The following RNLS variants were observed in gnomAD, a reference collection of about 807,000 sequenced individuals.
The protein encoded by RNLS is renalase, FAD dependent amine oxidase.
Under a neutral mutation model 39.8 loss-of-function variants are expected in RNLS, and 39 were observed. The ratio of observed to expected loss-of-function variants is 0.98; its 90% confidence interval spans 0.76 to 1.28. RNLS has a LOEUF of 1.28. RNLS is among the 50% of genes most tolerant of loss of function. The pLI is 0.00. For synonymous variants in RNLS, 147 were observed against 150.7 expected, an observed-to-expected ratio of 0.98 and a Z score of 0.18; for missense variants, 410 against 413.3, an observed-to-expected ratio of 0.99 and a Z score of 0.07.
intron 4 of RNLS, among the ~76,000 whole-genome samples, chr10:88,368,109 T>A (rs1850266019): frequency 6.6e-6 from 1 of 152,042 alleles, no homozygotes; most frequent in Non-Finnish European, 1.5e-5. Context: ...ATGGTTTTTT[T>A]TTTCCTGAAA....
intron 4 of RNLS, among the ~76,000 whole-genome samples, chr10:88,420,040 AAATAAATAAATAAATAAATG>A (rs1272215087): frequency 0.012 from 1,449 of 118,016 alleles, 26 homozygotes; most frequent in African/African-American, 0.048. Flanking sequence ...ATAAATAAAT[AAATAAATAAATAAATAAATG>A]AATGAATAAA....
At chr10:88,355,913 G>T (rs1446597931) in intron 5 of RNLS, among the ~76,000 whole-genome samples, 1 of 152,208 alleles carries the variant, frequency 6.6e-6, no homozygotes, top group East Asian at 1.9e-4. Context: ...CAGCAATGGT[G>T]GGCACCCCTC....
intron 5 of RNLS, among the ~76,000 whole-genome samples, chr10:88,336,081 T>C (rs1230139431): frequency 6.6e-6 from 1 of 152,186 alleles, no homozygotes; most frequent in Non-Finnish European, 1.5e-5. Flanking sequence ...TCAGCAGTAC[T>C]GGACAAAGCT....
At chr10:88,540,990 CAA>C (rs34561003) in intron 4 of RNLS, among the ~76,000 whole-genome samples, 7 of 131,946 alleles carry the variant, frequency 5.3e-5, no homozygotes, top group Non-Finnish European at 8.4e-5. Context: ...TCCTTACTGC[CAA>C]AAAAAAAAAA....
the RNLS span, among the ~76,000 whole-genome samples, chr10:88,182,100 T>G: frequency 6.6e-6 from 1 of 152,148 alleles, no homozygotes; most frequent in Non-Finnish European, 1.5e-5. Context: ...GAAGTATGTT[T>G]ATTTTATGGG....
At chr10:88,462,837 T>C (rs1180192586) in intron 4 of RNLS, among the ~76,000 whole-genome samples, 1 of 148,106 alleles carries the variant, frequency 6.8e-6, no homozygotes, top group Non-Finnish European at 1.5e-5. Context: ...GAAAAAAAAA[T>C]AGACAAGAGG....
intron 4 of RNLS, among the ~76,000 whole-genome samples, chr10:88,433,453 T>G (rs574531851): frequency 6.6e-6 from 1 of 152,198 alleles, no homozygotes; most frequent in South Asian, 2.1e-4. Context: ...ATATATTCCC[T>G]TATCTTCCTA....
chr10:88,282,900 AAATCACCCC>A (rs1843074974), downstream of RNLS, among the ~76,000 whole-genome samples: 1 of 152,204 alleles, frequency 6.6e-6, no homozygotes, highest in Admixed American at 6.5e-5. Context: ...AACAAGTATT[AAATCACCCC>A]ACTGCTCAAG....
intron 6 of RNLS, among the ~76,000 whole-genome samples, chr10:88,299,067 T>G (rs76430366): frequency 0.01 from 1,554 of 152,348 alleles, 14 homozygotes; most frequent in Non-Finnish European, 0.019. Flanking sequence ...TGAAGTACTC[T>G]TTTAAGTCTT....
the RNLS span, among the ~76,000 whole-genome samples, chr10:88,232,889 T>C: frequency 6.6e-6 from 1 of 152,208 alleles, no homozygotes; most frequent in Non-Finnish European, 1.5e-5. Context: ...ATAGTAGTAA[T>C]AATGGTTACT....
chr10:88,373,557 A>C (rs1850735361), intron 4 of RNLS, among the ~76,000 whole-genome samples: 1 of 152,186 alleles, frequency 6.6e-6, no homozygotes, highest in South Asian at 2.1e-4. Context: ...ATTTGATGAA[A>C]AGCACAATTA....
intron 4 of RNLS, among the ~76,000 whole-genome samples, chr10:88,405,151 G>A (rs746112824): frequency 1.3e-5 from 2 of 151,998 alleles, no homozygotes; most frequent in Non-Finnish European, 2.9e-5. Flanking sequence ...AAGTTGTGAG[G>A]ATAACCAAAT....
chr10:88,304,171 T>C (rs950968113), intron 6 of RNLS, among the ~76,000 whole-genome samples: 2 of 152,076 alleles, frequency 1.3e-5, no homozygotes, highest in African/African-American at 4.8e-5. Flanking sequence ...GGTCATCAAA[T>C]AGGATAAAAG....
At chr10:88,375,379 C>G (rs1850900461) in intron 4 of RNLS, among the ~76,000 whole-genome samples, 1 of 152,158 alleles carries the variant, frequency 6.6e-6, no homozygotes, top group Non-Finnish European at 1.5e-5. Context: ...ACAAAAGACT[C>G]CATCTCCTTC....
intron 4 of RNLS, among the ~76,000 whole-genome samples, chr10:88,412,909 G>A (rs764280440): frequency 6.6e-6 from 1 of 152,110 alleles, no homozygotes; most frequent in Non-Finnish European, 1.5e-5. Flanking sequence ...TTCATCCTTA[G>A]CACTGATTCA....
At chr10:88,352,832 G>A (rs1035632246) in intron 5 of RNLS, among the ~76,000 whole-genome samples, 2 of 152,104 alleles carry the variant, frequency 1.3e-5, no homozygotes, top group Non-Finnish European at 2.9e-5. Context: ...TCTGGTCCTC[G>A]ACTTTTTTTG....
intron 4 of RNLS, among the ~76,000 whole-genome samples, chr10:88,540,937 G>C (rs1848002245): frequency 6.7e-6 from 1 of 148,810 alleles, no homozygotes; most frequent in Admixed American, 6.7e-5. Flanking sequence ...ATGTCACCAT[G>C]ATCAGAGTCA....
At chr10:88,252,771 A>G in the RNLS span, among the ~76,000 whole-genome samples, 1 of 152,196 alleles carries the variant, frequency 6.6e-6, no homozygotes, top group Admixed American at 6.5e-5. Flanking sequence ...CTCCTATCAC[A>G]CTACCGGGCA....
At chr10:88,319,643 A>G (rs1054926827) in intron 5 of RNLS, among the ~76,000 whole-genome samples, 2 of 152,094 alleles carry the variant, frequency 1.3e-5, no homozygotes, top group Non-Finnish European at 2.9e-5. Flanking sequence ...ATTTCAAAAT[A>G]CAGTTGGAAG....
Sources: allele counts gnomAD v4.1 joint callset (sites outside exome capture counted in the v4.1 genomes callset), GRCh38; gene constraint gnomAD v4.1.1; transcripts MANE v1.5; gene names NCBI Gene and HGNC (gene_info 2026-07-23, HGNC 2026-07-21).